The following SAMD12 variants were observed in gnomAD, a reference collection of about 807,000 sequenced individuals.
SAMD12 encodes the protein sterile alpha motif domain containing 12.
In SAMD12, 9 loss-of-function variants were observed where a neutral mutation model predicts 15.0. The ratio of observed to expected loss-of-function variants is 0.60; its 90% CI spans 0.36 to 1.05. The LOEUF (loss-of-function observed/expected upper bound fraction) is 1.05. Ranked by LOEUF, SAMD12 falls within the 50% of genes least tolerant of loss-of-function variation. The pLI, the probability that SAMD12 is intolerant of heterozygous loss-of-function variation, is 0.01. For synonymous variants in SAMD12, 86 were observed against 90.1 expected (o/e 0.96, Z 0.25); for missense variants, 230 against 234.2 (o/e 0.98, Z 0.12).
At chr8:118,608,127 C>G (rs1346952008) in intron 1 of SAMD12, among the ~76,000 whole-genome samples, 1 of 152,070 alleles carries the variant, frequency 6.6e-6, no homozygotes, top group Non-Finnish European at 1.5e-5. Flanking sequence ...CTTTTCATTT[C>G]CATAAATTTG....
At chr8:118,150,660 C>T in the SAMD12 span, among the ~76,000 whole-genome samples, 4 of 152,180 alleles carry the variant, frequency 2.6e-5, no homozygotes, top group African/African-American at 9.7e-5. Context: ...TGAATCACCA[C>T]TCCTGGACAT....
rs535895718 is a variant in SAMD12, at chr8:118,606,749, C to T, written c.13+15055G>A. On this transcript the variant is annotated intron_variant, in intron 1 of 3. Coordinates refer to ENST00000314727, the MANE Select transcript of SAMD12 (RefSeq NM_207506.3). ...TTAAAATCAGGGACAAAAACCTCAA[C>T]GCCCTAGAAACCTAAATCTTAAAGC... Among the ~76,000 whole-genome samples, 15 of 152,238 alleles carry T rather than the reference C, an allele frequency of 9.9e-5. No homozygotes were observed. In the South Asian group the frequency reaches 2.1e-3, roughly 21 times the overall value.
chr8:118,186,544 T>C (rs573901872), downstream of SAMD12, among the ~76,000 whole-genome samples: 2 of 120,222 alleles, frequency 1.7e-5, no homozygotes, highest in Non-Finnish European at 3.4e-5. Flanking sequence ...ATTAACCTTC[T>C]GTTACCCTCC....
chr8:118,324,121 T>C (rs1011907660), intron 4 of SAMD12, among the ~76,000 whole-genome samples: 3 of 152,202 alleles, frequency 2.0e-5, no homozygotes, highest in African/African-American at 7.2e-5. Context: ...AATAGTTATG[T>C]CTGTTTCTTC....
At chr8:118,198,894 T>C (rs775559128) in intron 4 of SAMD12, among the ~76,000 whole-genome samples, 4 of 151,522 alleles carry the variant, frequency 2.6e-5, no homozygotes, top group African/African-American at 7.3e-5. Context: ...GGAAATAATC[T>C]AAAAAAAAGA....
intron 4 of SAMD12, among the ~76,000 whole-genome samples, chr8:118,322,844 T>C (rs1295610364): frequency 6.6e-6 from 1 of 151,276 alleles, no homozygotes; most frequent in Non-Finnish European, 1.5e-5. Flanking sequence ...CCTTAGGTTT[T>C]TAATCTTACA....
At chr8:118,523,254 C>G (rs960724302) in intron 2 of SAMD12, among the ~76,000 whole-genome samples, 1 of 151,960 alleles carries the variant, frequency 6.6e-6, no homozygotes, top group Admixed American at 6.6e-5. Context: ...CAACCTCTTG[C>G]GGAAATGAAA....
At chr8:118,138,920 A>G in the SAMD12 span, among the ~76,000 whole-genome samples, 1 of 152,202 alleles carries the variant, frequency 6.6e-6, no homozygotes, top group Non-Finnish European at 1.5e-5. Context: ...CAATACCGAC[A>G]CTAAGGAGAG....
At chr8:118,611,959 A>G (rs1475694972) in intron 1 of SAMD12, among the ~76,000 whole-genome samples, 1 of 152,106 alleles carries the variant, frequency 6.6e-6, no homozygotes, top group Non-Finnish European at 1.5e-5. Context: ...ACCAAGCACT[A>G]CTCCCATTGT....
intron 2 of SAMD12, among the ~76,000 whole-genome samples, chr8:118,497,723 C>CGG (rs57304177): frequency 0.019 from 1,108 of 58,722 alleles, 51 homozygotes; most frequent in African/African-American, 0.063. Context: ...ACTTAAGTTG[C>CGG]GGGGGGGGGT....
At chr8:118,478,024 A>AG in intron 2 of SAMD12, among the ~76,000 whole-genome samples, 1 of 151,120 alleles carries the variant, frequency 6.6e-6, no homozygotes, top group Middle Eastern at 3.5e-3. Flanking sequence ...AAAAAAAAAA[A>AG]AAAAAAAAGA....
the SAMD12 span, among the ~76,000 whole-genome samples, chr8:118,174,599 G>A: frequency 1.3e-5 from 2 of 152,104 alleles, no homozygotes; most frequent in African/African-American, 2.4e-5. Context: ...GGAGGAAGAC[G>A]ATCCAAATAA....
chr8:118,177,714 T>C, the SAMD12 span, among the ~76,000 whole-genome samples: 1 of 145,198 alleles, frequency 6.9e-6, no homozygotes, highest in East Asian at 2.0e-4. Context: ...CAGAGTGAGA[T>C]CCTGTTTTTA....
At chr8:118,316,369 C>CAAA (rs71307444) in intron 4 of SAMD12, among the ~76,000 whole-genome samples, 1 of 114,148 alleles carries the variant, frequency 8.8e-6, no homozygotes, top group African/African-American at 3.8e-5. Flanking sequence ...CCCATGTCTA[C>CAAA]AAAAAAAAAA....
At chr8:118,295,888 T>A (rs574625172) in intron 4 of SAMD12, among the ~76,000 whole-genome samples, 1 of 152,216 alleles carries the variant, frequency 6.6e-6, no homozygotes, top group African/African-American at 2.4e-5. Flanking sequence ...CAAGTGTGCA[T>A]CTCATCTTGG....
At chr8:118,569,347 T>C (rs938641707) in intron 2 of SAMD12, among the ~76,000 whole-genome samples, 2 of 152,162 alleles carry the variant, frequency 1.3e-5, no homozygotes, top group African/African-American at 4.8e-5. Flanking sequence ...ATTTCATGCT[T>C]AGACTTGGAT....
intron 2 of SAMD12, among the ~76,000 whole-genome samples, chr8:118,551,518 T>G (rs1253428977): frequency 1.3e-5 from 2 of 151,778 alleles, no homozygotes. Context: ...CTGGGACACA[T>G]TCAAAGCAGT....
At chr8:118,368,602 C>T (rs1818921586) in intron 4 of SAMD12, among the ~76,000 whole-genome samples, 1 of 152,132 alleles carries the variant, frequency 6.6e-6, no homozygotes, top group African/African-American at 2.4e-5. Flanking sequence ...GGTAATGTTG[C>T]TCATGGTGAA....
At chr8:118,589,809 A>G (rs1193185945) in intron 1 of SAMD12, among the ~76,000 whole-genome samples, 1 of 152,210 alleles carries the variant, frequency 6.6e-6, no homozygotes, top group Non-Finnish European at 1.5e-5. Flanking sequence ...GTTTTTATGA[A>G]ATATTACTTT....
Sources: gnomAD v4.1 joint callset for allele counts (sites outside exome capture counted in the v4.1 genomes callset) on GRCh38, gnomAD v4.1.1 for gene constraint, MANE v1.5 for transcripts, NCBI Gene and HGNC (gene_info 2026-07-23, HGNC 2026-07-21) for gene names.